MYRIP: variants seen among roughly 807,000 people sequenced by gnomAD.
The protein encoded by MYRIP is rab effector MyRIP.
A neutral mutation model predicts 98.0 loss-of-function variants in MYRIP; 49 were observed. That is an observed-to-expected ratio of 0.50 (90% confidence interval 0.40 to 0.63). The LOEUF (loss-of-function observed/expected upper bound fraction) is 0.63, where lower values mean the gene tolerates loss of function less well. MYRIP is among the 30% of genes least tolerant of loss of function. The pLI, the probability that MYRIP is intolerant of heterozygous loss-of-function variation, is 0.00. For missense variants in MYRIP, 1,004 were observed against 1,058.2 expected (o/e 0.95, Z 0.71); for synonymous variants, 404 against 409.5 (o/e 0.99, Z 0.16).
At chr3:40,252,064 C>T (rs1953393370) in intron 16 of MYRIP, 65 bp downstream of exon 16, 6 of 1,258,366 alleles carry the variant, frequency 4.8e-6, no homozygotes, top group Admixed American at 1.9e-5. Context: ...ACTCTGCAGC[C>T]TTTCCTTCTG....
chr3:40,195,257 C>A (rs1297559936), intron 10 of MYRIP, among the ~76,000 whole-genome samples: 1 of 152,154 alleles, frequency 6.6e-6, no homozygotes, highest in African/African-American at 2.4e-5. Flanking sequence ...TGCTTTTTGG[C>A]AGTAGATGAT....
chr3:40,192,878 T>C (rs1951279668), intron 10 of MYRIP, among the ~76,000 whole-genome samples: 1 of 152,170 alleles, frequency 6.6e-6, no homozygotes, highest in South Asian at 2.1e-4. Context: ...ACTGGTGCAG[T>C]TGCCCATCAT....
At chr3:40,081,328 G>A (rs1041944227) in intron 3 of MYRIP, among the ~76,000 whole-genome samples, 1 of 152,062 alleles carries the variant, frequency 6.6e-6, no homozygotes, top group Non-Finnish European at 1.5e-5. Context: ...TACTGAAAAA[G>A]GCATTTCAAA....
At chr3:39,875,902 C>G (rs1455805892) in intron 1 of MYRIP, among the ~76,000 whole-genome samples, 1 of 151,854 alleles carries the variant, frequency 6.6e-6, no homozygotes, top group Non-Finnish European at 1.5e-5. Flanking sequence ...TCCTTGTTGA[C>G]TTTCTGTCTT....
intron 1 of MYRIP, among the ~76,000 whole-genome samples, chr3:39,827,769 A>C (rs1476663317): frequency 1.3e-5 from 2 of 152,128 alleles, no homozygotes; most frequent in Non-Finnish European, 2.9e-5. Context: ...GCCCTTGAGC[A>C]TCTTGTCTAG....
chr3:39,897,634 T>C (rs951637838), intron 1 of MYRIP, among the ~76,000 whole-genome samples: 1 of 152,172 alleles, frequency 6.6e-6, no homozygotes, highest in Admixed American at 6.5e-5. Flanking sequence ...GTCATACCTA[T>C]GTGACCTCTT....
chr3:39,904,981 C>T (rs1943842381), intron 2 of MYRIP, among the ~76,000 whole-genome samples: 1 of 151,998 alleles, frequency 6.6e-6, no homozygotes, highest in Non-Finnish European at 1.5e-5. Context: ...GACTTATTTA[C>T]AAATTCAGTA....
chr3:40,147,700 G>T (rs552439280), intron 3 of MYRIP, among the ~76,000 whole-genome samples: 26 of 152,162 alleles, frequency 1.7e-4, no homozygotes, highest in African/African-American at 4.3e-4. Flanking sequence ...AGCTGTTTTT[G>T]GTTTTGGTTT....
At chr3:40,106,325 TAAG>T (rs1276493977) in intron 3 of MYRIP, among the ~76,000 whole-genome samples, 11 of 152,066 alleles carry the variant, frequency 7.2e-5, no homozygotes, top group South Asian at 4.1e-4. Flanking sequence ...GCAGAAGAGT[TAAG>T]AAGAATTTTT....
intron 1 of MYRIP, among the ~76,000 whole-genome samples, chr3:39,839,148 A>G (rs528007787): frequency 6.6e-6 from 1 of 151,852 alleles, no homozygotes; most frequent in East Asian, 1.9e-4. Context: ...TCCTGGATTC[A>G]TTGATTTTTT....
intron 2 of MYRIP, among the ~76,000 whole-genome samples, chr3:39,980,256 AT>A (rs1319112639): frequency 1.6e-4 from 25 of 152,344 alleles, no homozygotes; most frequent in African/African-American, 5.3e-4. Flanking sequence ...TGGAGCATTA[AT>A]TGTACAACAG....
intron 2 of MYRIP, among the ~76,000 whole-genome samples, chr3:39,936,111 T>C (rs1389531661): frequency 2.0e-5 from 3 of 152,182 alleles, no homozygotes; most frequent in African/African-American, 7.2e-5. Flanking sequence ...GGATATTCAT[T>C]ATAGGCTGAA....
rs550734174 is a variant in MYRIP, at chr3:39,854,953, G to T, written c.-31+45037G>T. On this transcript the variant is annotated intron_variant, in intron 1 of 16. Coordinates refer to ENST00000302541, the MANE Select transcript of MYRIP (RefSeq NM_015460.4). ...CAGAGGGGCAACCAGGCTCCAGGCT[G>T]GTGCTGGGGGAATGTTTGCAAGGAG... is the stretch of plus-strand genomic sequence containing the variant. 1.1e-3 allele frequency among the ~76,000 whole-genome samples: 160 copies of T among 152,302 alleles called. No homozygotes were observed. The Middle Eastern group carries it at 0.014, about 13-fold the overall frequency.
At chr3:39,890,846 A>AGCCAGCTGATCAATG (rs1289550067) in intron 1 of MYRIP, among the ~76,000 whole-genome samples, 1 of 152,096 alleles carries the variant, frequency 6.6e-6, no homozygotes, top group Non-Finnish European at 1.5e-5. Context: ...GGTTTATTTG[A>AGCCAGCTGATCAATG]GCCAGCTGAT....
chr3:40,108,214 G>GAGAGAGAGAGA (rs1949089558), intron 3 of MYRIP, among the ~76,000 whole-genome samples: 6 of 120,842 alleles, frequency 5.0e-5, no homozygotes, highest in African/African-American at 1.9e-4. Flanking sequence ...AGAGAGAGAG[G>GAGAGAGAGAGA]GTGAGTCGAA....
At chr3:40,085,658 G>C (rs550088218) in intron 3 of MYRIP, among the ~76,000 whole-genome samples, 3 of 152,284 alleles carry the variant, frequency 2.0e-5, no homozygotes, top group African/African-American at 7.2e-5. Context: ...TCCTGGAGCA[G>C]AGCAGCCCCA....
intron 11 of MYRIP, among the ~76,000 whole-genome samples, chr3:40,218,574 C>G: frequency 4.0e-5 from 1 of 25,162 alleles, no homozygotes; most frequent in Non-Finnish European, 7.5e-5. Flanking sequence ...TACACACATA[C>G]ACATTTACAC....
chr3:39,815,850 G>A (rs534155412), intron 1 of MYRIP, among the ~76,000 whole-genome samples: 44 of 147,374 alleles, frequency 3.0e-4, no homozygotes, highest in Admixed American at 2.1e-3. Flanking sequence ...TTGCTTTAAC[G>A]TGTTAAGAAA....
At chr3:39,861,296 A>G (rs917872045) in intron 1 of MYRIP, among the ~76,000 whole-genome samples, 4 of 152,216 alleles carry the variant, frequency 2.6e-5, no homozygotes, top group Non-Finnish European at 5.9e-5. Context: ...TACCATAATC[A>G]AACCCCCAAG....
Sources: allele counts gnomAD v4.1 joint callset (sites outside exome capture counted in the v4.1 genomes callset), GRCh38; gene constraint gnomAD v4.1.1; transcripts MANE v1.5; gene names NCBI Gene and HGNC (gene_info 2026-07-23, HGNC 2026-07-21).